RORA: variants seen among roughly 807,000 people sequenced by gnomAD.
RORA encodes the protein RAR related orphan receptor A.
RORA carries 7 observed loss-of-function variants against 69.5 expected under a neutral mutation model. The ratio of observed to expected loss-of-function variants is 0.10; its 90% CI spans 0.06 to 0.19. RORA has a LOEUF of 0.19. Among genes scored for constraint, RORA ranks in the 10% least tolerant of loss-of-function variants. The pLI is 1.00. For missense variants in RORA, 457 were observed against 663.0 expected (o/e 0.69, Z 3.41); for synonymous variants, 261 against 240.8 (o/e 1.08, Z -0.78).
At chr15:60,828,949 T>G (rs896466019) in intron 1 of RORA, among the ~76,000 whole-genome samples, 1 of 152,284 alleles carries the variant, frequency 6.6e-6, no homozygotes, top group Middle Eastern at 3.4e-3. Context: ...CTTAGATCAT[T>G]TAAGGGTTTC....
chr15:60,789,362 T>C (rs1239742511), intron 1 of RORA, among the ~76,000 whole-genome samples: 4 of 152,250 alleles, frequency 2.6e-5, no homozygotes, highest in Non-Finnish European at 2.9e-5. Flanking sequence ...ACACTTAATA[T>C]ATCTTGCTTC....
chr15:61,030,769 C>G (rs1165064667), intron 1 of RORA, among the ~76,000 whole-genome samples: 1 of 152,058 alleles, frequency 6.6e-6, no homozygotes, highest in Non-Finnish European at 1.5e-5. Flanking sequence ...GCGTGTATAT[C>G]CAACTTACTA....
chr15:60,941,125 C>A (rs1452749565), intron 1 of RORA, among the ~76,000 whole-genome samples: 1 of 152,156 alleles, frequency 6.6e-6, no homozygotes, highest in Non-Finnish European at 1.5e-5. Context: ...CTTGGAGACA[C>A]CAAACACTTC....
intron 1 of RORA, among the ~76,000 whole-genome samples, chr15:60,913,122 G>T (rs1284642262): frequency 6.6e-6 from 1 of 152,160 alleles, no homozygotes; most frequent in Non-Finnish European, 1.5e-5. Flanking sequence ...AAAACACTGG[G>T]TAAGGGCAGC....
intron 1 of RORA, among the ~76,000 whole-genome samples, chr15:60,854,296 T>C (rs2073357887): frequency 6.6e-6 from 1 of 152,038 alleles, no homozygotes; most frequent in African/African-American, 2.4e-5. Context: ...AATGATCAGG[T>C]ACAATACAAA....
intron 1 of RORA, among the ~76,000 whole-genome samples, chr15:60,955,845 A>C (rs565049158): frequency 6.6e-6 from 1 of 152,282 alleles, no homozygotes; most frequent in East Asian, 1.9e-4. Context: ...TAGTTTATCC[A>C]TTTTGTGTAT....
Position 60,680,235 on chromosome 15 carries a change from A to G in RORA, c.167-1549T>C, listed in dbSNP as rs139309541. ...TTCCTTAGGAAATAGTGCTTTCTGT[A>G]AAATCACTTTGAAGAGAAAGTGCTT... On this transcript the variant is annotated intron_variant, in intron 1 of 10. Transcript: ENST00000335670. Among the ~76,000 whole-genome samples the G allele has an allele frequency of 1.6e-4, 25 of 152,332 alleles. No individual in the cohort carries two copies. The East Asian group carries it at 4.8e-3, about 29-fold the overall frequency.
intron 1 of RORA, among the ~76,000 whole-genome samples, chr15:60,935,364 A>G (rs773164729): frequency 6.6e-6 from 1 of 152,266 alleles, no homozygotes. Flanking sequence ...AGAAAAGAAC[A>G]CAGTGATCCC....
At chr15:61,133,555 T>C (rs1307274817) in intron 1 of RORA, among the ~76,000 whole-genome samples, 6 of 152,102 alleles carry the variant, frequency 3.9e-5, no homozygotes, top group South Asian at 4.1e-4. Flanking sequence ...CTGACTCTAA[T>C]GTCAGGCAAG....
chr15:61,134,715 T>C (rs1193932656), intron 1 of RORA, among the ~76,000 whole-genome samples: 1 of 152,104 alleles, frequency 6.6e-6, no homozygotes, highest in African/African-American at 2.4e-5. Flanking sequence ...TTAGACCTTG[T>C]TCTGGTTGTC....
At chr15:60,691,461 C>T (rs763049626) in intron 1 of RORA, among the ~76,000 whole-genome samples, 5 of 152,134 alleles carry the variant, frequency 3.3e-5, no homozygotes, top group Non-Finnish European at 7.3e-5. Context: ...ATCAGAAAAA[C>T]TTGTTAAGTG....
rs185158400 is a variant in RORA, at chr15:60,903,602, T to C, written c.167-224916A>G. On this transcript the variant is annotated intron_variant, in intron 1 of 10. Transcript: ENST00000335670. ...TTCAGCTGGTGAAGCTATTATATTC[T>C]ACCTTTCTCCAAGTAGTATGCAATG... 1.8e-3 allele frequency among the ~76,000 whole-genome samples: 278 copies of C among 152,328 alleles called. 1 individual carries two copies. The highest frequency in any genetic ancestry group is 3.2e-3 in the Non-Finnish European group (220 of 68,036).
At chr15:61,219,962 T>C (rs11631786) in intron 1 of RORA, among the ~76,000 whole-genome samples, 28,608 of 152,168 alleles carry the variant, frequency 0.19, 3,009 homozygotes, top group African/African-American at 0.27. Flanking sequence ...TCCTCAAGAA[T>C]GCTAGGGAAC....
At chr15:60,516,460 A>T (rs1264589009) in intron 3 of RORA, among the ~76,000 whole-genome samples, 1 of 150,184 alleles carries the variant, frequency 6.7e-6, no homozygotes, top group Non-Finnish European at 1.5e-5. Flanking sequence ...AAAAAAAATA[A>T]GGTAAGTAGA....
intron 2 of RORA, among the ~76,000 whole-genome samples, chr15:60,659,798 C>T (rs2070278152): frequency 6.6e-6 from 1 of 152,190 alleles, no homozygotes; most frequent in African/African-American, 2.4e-5. Flanking sequence ...GCATAATCTA[C>T]CACTATGTTC....
At chr15:61,085,381 A>G (rs546298165) in intron 1 of RORA, among the ~76,000 whole-genome samples, 30 of 152,308 alleles carry the variant, frequency 2.0e-4, no homozygotes, top group Admixed American at 5.2e-4. Context: ...CTTGCCCTCA[A>G]TTTCCACAAT....
At chr15:60,822,370 G>A (rs890782782) in intron 1 of RORA, among the ~76,000 whole-genome samples, 2 of 152,238 alleles carry the variant, frequency 1.3e-5, no homozygotes, top group Non-Finnish European at 1.5e-5. Flanking sequence ...AGACCCATGA[G>A]CCAGCCCATT....
At chr15:60,660,153 C>T (rs1012557271) in intron 2 of RORA, among the ~76,000 whole-genome samples, 3 of 152,076 alleles carry the variant, frequency 2.0e-5, no homozygotes, top group East Asian at 3.8e-4. Context: ...ATTCACAATC[C>T]TTTGTCTTTT....
At chr15:60,583,679 T>G (rs959738749) in intron 2 of RORA, among the ~76,000 whole-genome samples, 3 of 152,204 alleles carry the variant, frequency 2.0e-5, no homozygotes, top group African/African-American at 7.2e-5. Context: ...TCTGCCCACT[T>G]GCTTCTGCAT....
Sources: gnomAD v4.1 joint callset for allele counts (sites outside exome capture counted in the v4.1 genomes callset) on GRCh38, gnomAD v4.1.1 for gene constraint, MANE v1.5 for transcripts, NCBI Gene and HGNC (gene_info 2026-07-23, HGNC 2026-07-21) for gene names.